COL20A1: variants seen among roughly 807,000 people sequenced by gnomAD.
The protein encoded by COL20A1 is collagen alpha-1(XX) chain.
In COL20A1, 164 loss-of-function variants were observed where a neutral mutation model predicts 152.9. That is an observed-to-expected ratio of 1.07 (90% CI 0.94 to 1.22). The LOEUF (loss-of-function observed/expected upper bound fraction) is 1.22, where lower values mean the gene tolerates loss of function less well. Among genes scored for constraint, COL20A1 ranks in the 50% most tolerant of loss-of-function variants. The pLI is 0.00. For missense variants in COL20A1, 1,873 were observed against 1,744.8 expected, an observed-to-expected ratio of 1.07 and a Z score of -1.31; for synonymous variants, 864 against 756.0, an observed-to-expected ratio of 1.14 and a Z score of -2.34.
Position 63,307,635 on chromosome 20 carries a change from T to C in COL20A1, c.642T>C (p.Asp214=). 6.2e-7 allele frequency: 1 copy of C among 1,612,338 alleles called. No homozygotes were observed. Among genetic ancestry groups the C allele is most frequent in the Non-Finnish European group, 8.5e-7 (1 of 1,179,608 alleles). Residue 214 remains aspartate (D), a synonymous_variant, in exon 6 of 36, where the codon GAT becomes GAC. Coordinates refer to ENST00000358894, the MANE Select transcript of COL20A1 (RefSeq NM_020882.4). ...TCGCACCCTTTGAAATCGGGCCGGA[T>C]AAGGTCCAAGTAGGTGGGTGCTGGC... is the stretch of plus-strand genomic sequence containing the variant. The part of the protein sequence containing the change: ...SVIAPFEIGP[D]KVQVGLTQYS...
Position 63,320,299 on chromosome 20 carries a change from C to T in COL20A1, c.3084C>T (p.Leu1028=), listed in dbSNP as rs2068144421. 1.2e-6 allele frequency: 2 copies of T among 1,610,412 alleles called. No individual in the cohort carries two copies. The highest frequency in any genetic ancestry group is 2.2e-5 in the East Asian group (1 of 44,890). Residue 1028 remains leucine, a synonymous_variant, in exon 25 of 36, where the codon CTC becomes CTT. Coordinates refer to ENST00000358894, the MANE Select transcript of COL20A1 (RefSeq NM_020882.4). ...GPRSSSAAFQ[L]QMLQIVCSDT... is the part of the protein sequence containing the mutation. Reference sequence around the variant, plus strand: ...GCTCCCCTGCGTTGCAGTTTCAGCTCCAGATGCTGCAGATCGTGTGCAGTG... The same window carrying T: ...GCTCCCCTGCGTTGCAGTTTCAGCTTCAGATGCTGCAGATCGTGTGCAGTG...
In COL20A1 at chr20:63,315,331, C is replaced by T. The variant is rs2068070089; in HGVS notation, c.2489-73C>T. On this transcript the variant is annotated intron_variant, in intron 19 of 35. Coordinates refer to ENST00000358894, the MANE Select transcript of COL20A1 (RefSeq NM_020882.4). ...CTGGGGCATCGTCCATGAAGTGGCC[C>T]CTCCCCAGCGGTCTGTCAGGCGTTG... 4.2e-6 allele frequency: 6 copies of T among 1,420,490 alleles called. No individual in the cohort carries two copies. In the South Asian group the frequency reaches 6.1e-5, roughly 14 times the overall value. The allele number at this position is 1,420,490 out of a possible 1,614,324, so 88.0% of individuals were successfully genotyped here.
intron 31 of COL20A1, 32 bp from the exon 32 acceptor site, chr20:63,327,920 G>A: frequency 2.5e-6 from 4 of 1,576,148 alleles, no homozygotes; most frequent in South Asian, 1.2e-5. Context: ...GGCCATCTCT[G>A]CTGACTTCTT....
At position 63,315,458 on chromosome 20, in the gene COL20A1, C is replaced by T; in HGVS notation, c.2524+19C>T. On this transcript the variant is annotated intron_variant, in intron 20 of 35. Coordinates refer to ENST00000358894, the MANE Select transcript of COL20A1 (RefSeq NM_020882.4). ...CTCCCAGGTGGGTCCTGCATGCCCTCCCCTGCCTGCCCACCCACAGTCTCT... is the reference window on the plus strand; with the variant it reads ...CTCCCAGGTGGGTCCTGCATGCCCTTCCCTGCCTGCCCACCCACAGTCTCT... The T allele has an allele frequency of 6.4e-7, 1 of 1,557,952 alleles. No homozygotes were observed.
At chr20:63,317,484 AAAG>A (rs1466309668) in intron 21 of COL20A1, among the ~76,000 whole-genome samples, 36 of 150,860 alleles carry the variant, frequency 2.4e-4, no homozygotes, top group South Asian at 4.2e-4. Flanking sequence ...AAAAAAAAAA[AAAG>A]AAGTTACAAA....
chr20:63,297,804 A>T, intron 2 of COL20A1, 106 bp from the exon 3 acceptor site: 1 of 838,072 alleles, frequency 1.2e-6, no homozygotes, highest in South Asian at 1.7e-5. Context: ...CCGGGATAGG[A>T]CTGTGTTCCT....
Position 63,320,365 on chromosome 20 carries a change from C to T in COL20A1, c.3150C>T (p.Ala1050=). 5.0e-6 allele frequency: 8 copies of T among 1,611,048 alleles called. No individual in the cohort carries two copies. The highest frequency in any genetic ancestry group is 6.8e-6 in the Non-Finnish European group (8 of 1,179,788). ...AGGACCGGTGCTGTGAGCTCCCTGC[C>T]TCGGTGTGCCCCGTCCCTTGCCCCT... is the stretch of plus-strand genomic sequence containing the variant. The part of the protein sequence containing the change: ...ADEDRCCELP[A]SRDGETCPAF... The change falls in exon 25 of 36, where the codon GCC becomes GCT. Residue 1050 remains alanine, a synonymous_variant. Coordinates refer to ENST00000358894, the MANE Select transcript of COL20A1 (RefSeq NM_020882.4).
intron 10 of COL20A1, 105 bp downstream of exon 10, chr20:63,310,020 C>A: frequency 9.0e-7 from 1 of 1,106,314 alleles, no homozygotes; most frequent in Non-Finnish European, 1.3e-6. Flanking sequence ...TAACTGGGTC[C>A]AGGCTGAGAA....
Position 63,313,221 on chromosome 20 carries a change from T to TG in COL20A1, c.2182dup (p.Asp728GlyfsTer94). On this transcript the variant is annotated frameshift_variant, in exon 17 of 36. Transcript: ENST00000358894. LOFTEE classifies it high-confidence loss of function. This position sits in a 1 kb window ranked among gnomAD's most constrained non-coding sequence, Gnocchi z 5.9. ...CCTACTACAGGGACGGGGCCCGCAGTGACCCTGTGTCCCTCCGCTATACCC... is the reference window on the plus strand; with the variant it reads ...CCTACTACAGGGACGGGGCCCGCAGTGGACCCTGTGTCCCTCCGCTATACCC... 3 of 1,612,126 alleles carry TG rather than the reference T, an allele frequency of 1.9e-6. No individual in the cohort carries two copies. Among genetic ancestry groups the TG allele is most frequent in the Non-Finnish European group, 2.5e-6 (3 of 1,179,444 alleles).
Position 63,305,641 on chromosome 20 carries a change from T to C in COL20A1, c.337+81T>C. On this transcript the variant is annotated intron_variant, in intron 4 of 35. Coordinates refer to ENST00000358894, the MANE Select transcript of COL20A1 (RefSeq NM_020882.4). This position sits in a 1 kb window ranked among gnomAD's most constrained non-coding sequence, Gnocchi z 4.9. Reference sequence around the variant, plus strand: ...CCTCTGGGCTGGGGTCCCACCCTCCTCCAGGCTGCGTTCCAGCCCCAGGGG... The same window carrying C: ...CCTCTGGGCTGGGGTCCCACCCTCCCCCAGGCTGCGTTCCAGCCCCAGGGG... 1 of 1,445,116 alleles carries C rather than the reference T, an allele frequency of 6.9e-7. No individual in the cohort carries two copies. The highest frequency in any genetic ancestry group is 1.4e-5 in the South Asian group (1 of 71,842). The allele number at this position is 1,445,116 out of a possible 1,614,324, so 89.5% of individuals were successfully genotyped here.
chr20:63,310,500 G>C lies in COL20A1; in HGVS notation c.1383G>C (p.Leu461=), dbSNP rs1315354921. The change falls in exon 11 of 36, where the codon CTG becomes CTC. Residue 461 remains leucine, a synonymous_variant. Coordinates refer to ENST00000358894, the MANE Select transcript of COL20A1 (RefSeq NM_020882.4). ...EGGVGEGLRG[L]VTTAPLPPPR... is the part of the protein sequence containing the mutation. ...GGGTTGGCGAAGGCCTGCGGGGCCT[G>C]GTGACCACAGGTAGGTGGGGCAGAG... 6.3e-7 allele frequency: 1 copy of C among 1,597,102 alleles called. No individual in the cohort carries two copies. Among genetic ancestry groups the C allele is most frequent in the Non-Finnish European group, 8.5e-7 (1 of 1,172,614 alleles).
In COL20A1 at chr20:63,313,126, C is replaced by T. The variant is rs554959703; in HGVS notation, c.2086C>T (p.Pro696Ser). 6.2e-7 allele frequency: 1 copy of T among 1,609,030 alleles called. No homozygotes were observed. Among genetic ancestry groups the T allele is most frequent in the African/African-American group, 1.3e-5 (1 of 74,944 alleles). The change falls in exon 17 of 36, where the codon CCA becomes TCA. Residue 696 changes from proline (P) to serine (S), a missense_variant. Pro to Ser is a moderately conservative substitution (Grantham distance 74). Coordinates refer to ENST00000358894, the MANE Select transcript of COL20A1 (RefSeq NM_020882.4). This position sits in a 1 kb window ranked among gnomAD's most constrained non-coding sequence, Gnocchi z 5.9. ...GCTCTCCTCTCCCTAGATCTCTGTC[C>T]CAGGGAACCTCGGCACGGCCGTCCT... ...GEGKAHEISV[P>S]GNLGTAVLPG...
intron 21 of COL20A1, among the ~76,000 whole-genome samples, chr20:63,318,472 G>A (rs1601429753): frequency 6.6e-6 from 1 of 152,194 alleles, no homozygotes; most frequent in Non-Finnish European, 1.5e-5. Flanking sequence ...AGGGGACCAA[G>A]ACCCTGGTCC....
chr20:63,309,312 C>T, intron 8 of COL20A1, 21 bp from the exon 9 acceptor site: 1 of 1,442,706 alleles, frequency 6.9e-7, no homozygotes, highest in Non-Finnish European at 9.2e-7. Context: ...AGGCCAACCC[C>T]ACCTCCCTCC....
Position 63,295,151 on chromosome 20 carries a change from T to A in COL20A1, c.44T>A (p.Leu15Gln), listed in dbSNP as rs562736407. Residue 15 changes from leucine (L) to glutamine (Q), a missense_variant, in exon 2 of 36, where the codon CTG becomes CAG. Coordinates refer to ENST00000358894, the MANE Select transcript of COL20A1 (RefSeq NM_020882.4). ...GCACACCTCGGCCTCTGCCTCTGGC[T>A]GTGGCTGGGCGCCACCCTGGGAAGA... ...DPAHLGLCLW[L>Q]WLGATLGREQ... is the part of the protein sequence containing the mutation. The A allele has an allele frequency of 2.4e-4, 371 of 1,555,280 alleles. 8 individuals are homozygous for A. In the South Asian group the frequency reaches 3.8e-3, roughly 16 times the overall value.
intron 2 of COL20A1, among the ~76,000 whole-genome samples, 198 bp from the exon 3 acceptor site, chr20:63,297,712 G>A (rs6090348): frequency 1.6e-3 from 241 of 152,354 alleles, no homozygotes; most frequent in African/African-American, 5.5e-3. Context: ...TCTCCTCAGC[G>A]CCCAGGCGAG....
intron 16 of COL20A1, 31 bp downstream of exon 16, chr20:63,312,965 G>T: frequency 6.5e-7 from 1 of 1,529,530 alleles, no homozygotes; most frequent in Non-Finnish European, 8.8e-7. Flanking sequence ...CCTTCCGAGG[G>T]GCCCCCCGTG....
At position 63,305,528 on chromosome 20, in the gene COL20A1, G is replaced by C; in HGVS notation, c.305G>C (p.Gly102Ala). Residue 102 changes from glycine (G) to alanine (A), a missense_variant, in exon 4 of 36, where the codon GGG becomes GCG. Gly to Ala is a moderately conservative substitution (Grantham distance 60). Transcript: ENST00000358894. The surrounding 1 kb of genome is among the most constrained non-coding windows in gnomAD (Gnocchi z 4.9). ...CAGATCTTCGAGCTCACTGGCTCTG[G>C]GCGCTTCCTGCTAGCTCGGAGGGAG... ...TLQIFELTGS[G>A]RFLLARREFV... 6.2e-7 allele frequency: 1 copy of C among 1,605,724 alleles called. No individual in the cohort carries two copies. Among genetic ancestry groups the C allele is most frequent in the Non-Finnish European group, 8.5e-7 (1 of 1,176,830 alleles).
rs1423136280 is a variant in COL20A1 at position 63,308,555 on chromosome 20, C to G, written c.789C>G (p.Thr263=). The G allele has an allele frequency of 3.1e-6, 5 of 1,601,440 alleles. No homozygotes were observed. The highest frequency in any genetic ancestry group is 1.1e-5 in the South Asian group (1 of 89,012). The change falls in exon 8 of 36, where the codon ACC becomes ACG. Residue 263 remains threonine, a synonymous_variant. Transcript: ENST00000358894. Reference sequence around the variant, plus strand: ...GCTGCTCCCAAGGCCTTGCCCTGACCCACGTGCTGGGGCAGAACCTGCAGC... The same window carrying G: ...GCTGCTCCCAAGGCCTTGCCCTGACGCACGTGCTGGGGCAGAACCTGCAGC... The part of the protein sequence containing the change: ...GGNTFTGLAL[T]HVLGQNLQPA...
Sources: gnomAD v4.1 joint callset for allele counts (sites outside exome capture counted in the v4.1 genomes callset) on GRCh38, gnomAD v4.1.1 for gene constraint, Gnocchi (gnomAD v3.1) non-coding constraint, MANE v1.5 for transcripts, NCBI Gene and HGNC (gene_info 2026-07-23, HGNC 2026-07-21) for gene names.